PSMC2: variants seen among roughly 807,000 people sequenced by gnomAD.
PSMC2 encodes the protein proteasome 26S subunit, ATPase 2.
Under a neutral mutation model 53.3 loss-of-function variants are expected in PSMC2, and 7 were observed. The ratio of observed to expected loss-of-function variants is 0.13; its 90% CI spans 0.07 to 0.25. The LOEUF (loss-of-function observed/expected upper bound fraction) is 0.25. PSMC2 is among the 10% of genes least tolerant of loss of function. The pLI is 1.00. For synonymous variants in PSMC2, 169 were observed against 183.9 expected (o/e 0.92, Z 0.66); for missense variants, 241 against 544.0 (o/e 0.44, Z 5.54).
At chr7:103,359,004 G>A (rs1820205415) in intron 4 of PSMC2, among the ~76,000 whole-genome samples, 1 of 148,810 alleles carries the variant, frequency 6.7e-6, no homozygotes, top group Non-Finnish European at 1.5e-5. Flanking sequence ...TTTTTTTTGA[G>A]ACAAGGTCTC....
chr7:103,356,342 G>C (rs1381950949), intron 4 of PSMC2, among the ~76,000 whole-genome samples: 2 of 152,160 alleles, frequency 1.3e-5, no homozygotes, highest in African/African-American at 4.8e-5. Flanking sequence ...GTTTCTCAGT[G>C]TATGTGCATA....
intron 3 of PSMC2, 39 bp downstream of exon 3, chr7:103,354,988 T>TA (rs902274739): frequency 7.7e-7 from 1 of 1,300,568 alleles, no homozygotes; most frequent in African/African-American, 1.5e-5. Flanking sequence ...CCTTTAAATG[T>TA]AATGTGTGAA....
At position 103,367,891 on chromosome 7, in the gene PSMC2, T is replaced by C. The variant is rs369942194; in HGVS notation, c.1145-6T>C. 1.7e-4 allele frequency: 281 copies of C among 1,611,702 alleles called. No individual in the cohort carries two copies. The highest frequency in any genetic ancestry group is 3.2e-4 in the Admixed American group (19 of 59,358). Reference sequence around the variant, plus strand: ...TAAGCCCGTTTATTTTCTTTTTGTTTGAAAGGTGCTGAGATTAGAAGCGTC... The same window carrying C: ...TAAGCCCGTTTATTTTCTTTTTGTTCGAAAGGTGCTGAGATTAGAAGCGTC... On this transcript the variant is annotated splice_region_variant and splice_polypyrimidine_tract_variant and intron_variant, in intron 11 of 11. Coordinates refer to ENST00000292644, the MANE Select transcript of PSMC2 (RefSeq NM_002803.4). The surrounding 1 kb of genome is among the most constrained non-coding windows in gnomAD (Gnocchi z 6.1).
At position 103,347,719 on chromosome 7, in the gene PSMC2, A is replaced by C. The variant is rs1255101451; in HGVS notation, c.8A>C (p.Asp3Ala). 2 of 1,613,960 alleles carry C rather than the reference A, an allele frequency of 1.2e-6. No homozygotes were observed. The highest frequency in any genetic ancestry group is 1.3e-5 in the African/African-American group (1 of 75,040). ...GCTTTTGGAGCTGCTAAAATGCCGG[A>C]TTACCTCGGTGCCGATCAGCGGAAG... MP[D>A]YLGADQRKTK... The change falls in exon 1 of 12, where the codon GAT (aspartate) becomes GCT (alanine). Residue 3 changes from aspartate to alanine, a missense_variant. By Grantham distance (126) the Asp-to-Ala change is moderately radical (BLOSUM62 -2). Transcript: ENST00000292644.
chr7:103,364,352 T>C (rs758727100), intron 8 of PSMC2, 45 bp downstream of exon 8: 5 of 1,601,192 alleles, frequency 3.1e-6, no homozygotes, highest in Non-Finnish European at 4.3e-6. Flanking sequence ...TGAAAGATTT[T>C]ACAGTATGAA....
At position 103,367,904 on chromosome 7, in the gene PSMC2, G is replaced by A. The variant is rs772735743; in HGVS notation, c.1152G>A (p.Glu384=). The change falls in exon 12 of 12, where the codon GAG becomes GAA. Residue 384 remains glutamate, a synonymous_variant. Transcript: ENST00000292644. The surrounding 1 kb of genome is among the most constrained non-coding windows in gnomAD (Gnocchi z 6.1). ...ARLCPNSTGA[E]IRSVCTEAGM... is the part of the protein sequence containing the mutation. ...TTTCTTTTTGTTTGAAAGGTGCTGAGATTAGAAGCGTCTGCACAGAGGCTG... is the reference window on the plus strand; with the variant it reads ...TTTCTTTTTGTTTGAAAGGTGCTGAAATTAGAAGCGTCTGCACAGAGGCTG... 2 of 1,613,464 alleles carry A rather than the reference G, an allele frequency of 1.2e-6. No individual in the cohort carries two copies. Among genetic ancestry groups the A allele is most frequent in the Non-Finnish European group, 1.7e-6 (2 of 1,179,804 alleles).
At chr7:103,362,615 A>C in intron 5 of PSMC2, 71 bp from the exon 6 acceptor site, 1 of 1,487,048 alleles carries the variant, frequency 6.7e-7, no homozygotes, top group Non-Finnish European at 9.3e-7. Context: ...TTTTGGGGAT[A>C]AAGGACTAAA....
chr7:103,364,999 T>C (rs764466192), intron 8 of PSMC2, among the ~76,000 whole-genome samples: 1 of 121,044 alleles, frequency 8.3e-6, no homozygotes, highest in Non-Finnish European at 1.7e-5. Context: ...AGAATAAGTC[T>C]AGGGCTATAT....
intron 4 of PSMC2, 91 bp from the exon 5 acceptor site, chr7:103,361,866 T>G: frequency 7.1e-6 from 9 of 1,267,566 alleles, no homozygotes; most frequent in Non-Finnish European, 9.8e-6. Flanking sequence ...TTTATACCTG[T>G]ATATTGCACA....
In PSMC2 at chr7:103,367,192, A is replaced by G. The variant is rs1257191790; in HGVS notation, c.845-221A>G. ...CTAAACTGCCCCATAGGCAGTTTAA[A>G]AAACGTTAAGTAAATCTGTGATGAA... On this transcript the variant is annotated intron_variant, in intron 9 of 11. Coordinates refer to ENST00000292644, the MANE Select transcript of PSMC2 (RefSeq NM_002803.4). The surrounding 1 kb of genome is among the most constrained non-coding windows in gnomAD (Gnocchi z 6.1). Among the ~76,000 whole-genome samples the G allele has an allele frequency of 6.6e-6, 1 of 152,198 alleles. No homozygotes were observed. Among genetic ancestry groups the G allele is most frequent in the Non-Finnish European group, 1.5e-5 (1 of 68,044 alleles).
In PSMC2 at chr7:103,367,400, T is replaced by G. The variant is rs752919773; in HGVS notation, c.845-13T>G. On this transcript the variant is annotated splice_polypyrimidine_tract_variant and intron_variant, in intron 9 of 11. Transcript: ENST00000292644. The surrounding 1 kb of genome is among the most constrained non-coding windows in gnomAD (Gnocchi z 6.1). Reference sequence around the variant, plus strand: ...TGGACTTGAAGAGCTTATCTTTCCTTTTGTCTTCTCAGGGGCTCGTTTTGA... The same window carrying G: ...TGGACTTGAAGAGCTTATCTTTCCTGTTGTCTTCTCAGGGGCTCGTTTTGA... The G allele has an allele frequency of 1.2e-6, 2 of 1,612,818 alleles. No individual in the cohort carries two copies. Among genetic ancestry groups the G allele is most frequent in the Non-Finnish European group, 1.7e-6 (2 of 1,179,734 alleles).
Position 103,352,856 on chromosome 7 carries a change from A to G in PSMC2, c.71-1065A>G, listed in dbSNP as rs762757241. ...TTCAAACCCTGTCCACCTGGCCCCAAAGCCTGAACTGCTTGGATTACACGG... is the reference window on the plus strand; with the variant it reads ...TTCAAACCCTGTCCACCTGGCCCCAGAGCCTGAACTGCTTGGATTACACGG... On this transcript the variant is annotated intron_variant, in intron 1 of 11. Transcript: ENST00000292644. 6.4e-6 allele frequency: 5 copies of G among 780,796 alleles called. No individual in the cohort carries two copies. The East Asian group carries it at 9.7e-5, about 15-fold the overall frequency. The allele number at this position is 780,796 out of a possible 1,614,324, so 48.4% of individuals were successfully genotyped here.
At chr7:103,350,439 A>G (rs533452318) in intron 1 of PSMC2, among the ~76,000 whole-genome samples, 1 of 152,322 alleles carries the variant, frequency 6.6e-6, no homozygotes, top group African/African-American at 2.4e-5. Context: ...TACAGTGATC[A>G]TCTCAATTTA....
At chr7:103,354,723 T>C (rs1376957214) in intron 2 of PSMC2, 145 bp from the exon 3 acceptor site, 1 of 596,748 alleles carries the variant, frequency 1.7e-6, no homozygotes, top group Non-Finnish European at 3.0e-6. Context: ...TAGGGGGAAA[T>C]ATTGGGTCAG....
At chr7:103,366,533 G>A (rs1354922909) in intron 9 of PSMC2, among the ~76,000 whole-genome samples, 1 of 152,144 alleles carries the variant, frequency 6.6e-6, no homozygotes, top group Non-Finnish European at 1.5e-5. Flanking sequence ...AATGAGTATT[G>A]CTTTTGTCAT....
chr7:103,368,219 A>G lies in PSMC2; in HGVS notation c.*165A>G. 1.5e-6 allele frequency: 1 copy of G among 668,098 alleles called. No homozygotes were observed. The highest frequency in any genetic ancestry group is 2.3e-6 in the Non-Finnish European group (1 of 425,654). 41.4% of individuals were successfully genotyped at this position (668,098 alleles called of 1,614,324 possible). A position where few individuals can be genotyped will look rare whatever the true frequency, so the allele number is the denominator to read the frequency against. On this transcript the variant is annotated 3_prime_UTR_variant, in exon 12 of 12. Coordinates refer to ENST00000292644, the MANE Select transcript of PSMC2 (RefSeq NM_002803.4). The stretch of plus-strand genomic sequence containing the variant: ...GTGATTTCTAATGTTATTAGGCAGA[A>G]AAGCTTGTTAGAATATATTTTGACT...
intron 3 of PSMC2, 125 bp downstream of exon 3, chr7:103,355,074 T>TTAACAGAAAGGAA: frequency 1.4e-6 from 1 of 698,432 alleles, no homozygotes; most frequent in Non-Finnish European, 2.4e-6. Context: ...TCTTCCTTTC[T>TTAACAGAAAGGAA]GTTAAGAAAT....
intron 1 of PSMC2, 21 bp from the exon 2 acceptor site, chr7:103,353,900 G>T (rs201606134): frequency 2.6e-5 from 42 of 1,594,598 alleles, no homozygotes; most frequent in Non-Finnish European, 3.3e-5. Context: ...TGAATCTCAC[G>T]TATTGTCTCT....
rs1308449859 is a variant in PSMC2 at position 103,367,366 on chromosome 7, A to G, written c.845-47A>G. The stretch of plus-strand genomic sequence containing the variant: ...GTACTTTCAGGTCATGCATAGTGCT[A>G]CTCTTGAGTGGACTTGAAGAGCTTA... On this transcript the variant is annotated intron_variant, in intron 9 of 11. Coordinates refer to ENST00000292644, the MANE Select transcript of PSMC2 (RefSeq NM_002803.4). This position sits in a 1 kb window ranked among gnomAD's most constrained non-coding sequence, Gnocchi z 6.1. The G allele has an allele frequency of 6.3e-7, 1 of 1,583,116 alleles. No homozygotes were observed. The highest frequency in any genetic ancestry group is 2.2e-5 in the East Asian group (1 of 44,728).
Sources: gnomAD v4.1 joint callset for allele counts (sites outside exome capture counted in the v4.1 genomes callset) on GRCh38, gnomAD v4.1.1 for gene constraint, Gnocchi (gnomAD v3.1) non-coding constraint, MANE v1.5 for transcripts, NCBI Gene and HGNC (gene_info 2026-07-23, HGNC 2026-07-21) for gene names.